BRD9: variants seen among roughly 807,000 people sequenced by gnomAD.
BRD9 encodes bromodomain containing 9.
BRD9 carries 47 observed loss-of-function variants against 68.7 expected under a neutral mutation model. That is an observed-to-expected ratio of 0.68 (90% CI 0.54 to 0.87). The LOEUF (loss-of-function observed/expected upper bound fraction) is 0.87, where lower values mean the gene tolerates loss of function less well. BRD9 is among the 40% of genes least tolerant of loss of function. BRD9 has a pLI of 0.00. For missense variants in BRD9, 670 were observed against 748.4 expected, an observed-to-expected ratio of 0.90 and a Z score of 1.22; for synonymous variants, 313 against 293.9, an observed-to-expected ratio of 1.06 and a Z score of -0.67.
At chr5:885,871 G>A (rs554783489) in intron 7 of BRD9, among the ~76,000 whole-genome samples, 1 of 152,246 alleles carries the variant, frequency 6.6e-6, no homozygotes, top group African/African-American at 2.4e-5. Flanking sequence ...CCTCACATAG[G>A]TGGAGGAGCG....
intron 3 of BRD9, chr5:890,090 G>A: frequency 3.1e-6 from 1 of 322,958 alleles, no homozygotes; most frequent in South Asian, 2.6e-5. Flanking sequence ...CAGCAACTTG[G>A]GAGGCTGAGG....
intron 12 of BRD9, among the ~76,000 whole-genome samples, chr5:874,667 G>T (rs1232955839): frequency 6.6e-6 from 1 of 152,202 alleles, no homozygotes; most frequent in East Asian, 1.9e-4. Flanking sequence ...CGTGGCTCAA[G>T]GATGTAAGGA....
chr5:865,865 C>T lies in BRD9; in HGVS notation c.1526-284G>A, dbSNP rs555390113. 43 of 316,984 alleles carry T rather than the reference C, an allele frequency of 1.4e-4. No homozygotes were observed. In the South Asian group the frequency reaches 2.0e-3, roughly 14 times the overall value. The allele number at this position is 316,984 out of a possible 1,614,324, so 19.6% of individuals were successfully genotyped here. On this transcript the variant is annotated intron_variant, in intron 14 of 15. Transcript: ENST00000467963. ...ACCACGTCATGGCACGCACAGACAC[C>T]GTGGAGGGATGTGGCCACAACCCAG...
Position 891,196 on chromosome 5 carries a change from G to A in BRD9, c.359C>T (p.Pro120Leu). 5.2e-6 allele frequency: 8 copies of A among 1,551,778 alleles called. 1 individual carries two copies. The highest frequency in any genetic ancestry group is 3.6e-5 in the South Asian group (3 of 84,056). Residue 120 changes from proline to leucine, a missense_variant, in exon 3 of 16, where the codon CCG (proline) becomes CTG (leucine). By Grantham distance (98) the Pro-to-Leu change is moderately conservative. This residue lies in a region of BRD9 where 161 missense variants were observed against 148.1 expected (regional missense o/e 1.09). Transcript: ENST00000467963. ...CGCTCGGACTGGCCGATCTGGGGGC[G>A]GCTCCACCTCCACCTTCTTCCCAGG... ...FDPGKKVEVE[P>L]PPDRPVRACR...
In BRD9 at chr5:892,527, C is replaced by A. The variant is rs1045847496; in HGVS notation, c.52+79G>T. Reference sequence around the variant, plus strand: ...CCAGGACCTCGCCCGGTGCCCAGGACCCCCGTCCGCGTGCCCGGAACTCCT... The same window carrying A: ...CCAGGACCTCGCCCGGTGCCCAGGAACCCCGTCCGCGTGCCCGGAACTCCT... On this transcript the variant is annotated intron_variant, in intron 1 of 15. Transcript: ENST00000467963. 3.3e-5 allele frequency: 50 copies of A among 1,503,866 alleles called. No individual in the cohort carries two copies. The African/African-American group carries it at 3.8e-4, about 12-fold the overall frequency. 93.2% of individuals were successfully genotyped at this position (1,503,866 alleles called of 1,614,324 possible). A position where few individuals can be genotyped will look rare whatever the true frequency, so the allele number is the denominator to read the frequency against.
At chr5:864,720 C>T (rs777643182) in intron 15 of BRD9, 152 bp from the exon 16 acceptor site, 1 of 635,826 alleles carries the variant, frequency 1.6e-6, no homozygotes, top group Non-Finnish European at 2.7e-6. Flanking sequence ...CCAAGGAGAG[C>T]TGTGTGTAGA....
intron 4 of BRD9, among the ~76,000 whole-genome samples, 177 bp from the exon 5 acceptor site, chr5:889,342 C>T (rs1237256116): frequency 3.3e-5 from 5 of 152,110 alleles, no homozygotes; most frequent in African/African-American, 4.8e-5. Context: ...ATTCCCCCAA[C>T]GCATCCTGGC....
chr5:892,042 C>G, intron 1 of BRD9, 188 bp from the exon 2 acceptor site: 1 of 946,578 alleles, frequency 1.1e-6, no homozygotes. Flanking sequence ...CTCCCTTCCC[C>G]TCCGCAGGGA....
chr5:883,754 C>T, intron 8 of BRD9, 184 bp downstream of exon 8: 1 of 811,988 alleles, frequency 1.2e-6, no homozygotes, highest in Non-Finnish European at 1.9e-6. Context: ...CTGCCAGAGG[C>T]ACCTGGACCC....
chr5:873,687 C>A (rs531488217), intron 12 of BRD9, among the ~76,000 whole-genome samples: 4 of 152,302 alleles, frequency 2.6e-5, no homozygotes, highest in African/African-American at 9.6e-5. Context: ...ATACACACGT[C>A]CTTTCTATGA....
chr5:881,937 G>A (rs1003960797), intron 8 of BRD9: 11 of 152,632 alleles, frequency 7.2e-5, no homozygotes, highest in African/African-American at 2.4e-4. Flanking sequence ...AAGGGAAGAA[G>A]TGGGCGGAAC....
intron 13 of BRD9, 95 bp downstream of exon 13, chr5:871,431 C>T: frequency 9.0e-7 from 1 of 1,107,968 alleles, no homozygotes; most frequent in Non-Finnish European, 1.4e-6. Flanking sequence ...TTTCTAAACG[C>T]CGTCATACAC....
intron 8 of BRD9, chr5:881,752 C>A: frequency 6.4e-6 from 1 of 156,754 alleles, no homozygotes; most frequent in Non-Finnish European, 1.4e-5. Flanking sequence ...GCCACCTGGC[C>A]TGAGAAGAGC....
Position 883,950 on chromosome 5 carries a change from G to T in BRD9, c.954C>A (p.Leu318=). The stretch of plus-strand genomic sequence containing the variant: ...CACAGAGCACTACCTTGCCGCCTGG[G>T]AGGAACCGGTTGATCCTGTCCCGAG... ...DEARDRINRF[L]PGGKMGYLKR... Residue 318 remains leucine (L), a synonymous_variant, in exon 8 of 16, where the codon CTC becomes CTA. Transcript: ENST00000467963. 6.2e-7 allele frequency: 1 copy of T among 1,612,406 alleles called. No individual in the cohort carries two copies.
chr5:882,554 A>C (rs1751931959), intron 8 of BRD9: 1 of 160,720 alleles, frequency 6.2e-6, no homozygotes, highest in Non-Finnish European at 1.3e-5. Flanking sequence ...ACCTCCCAAC[A>C]GATAAGCCAC....
intron 7 of BRD9, among the ~76,000 whole-genome samples, chr5:886,285 T>C (rs1184993270): frequency 6.6e-6 from 1 of 152,172 alleles, no homozygotes; most frequent in Non-Finnish European, 1.5e-5. Flanking sequence ...CGGCAGGCGC[T>C]GTGCAGGGGA....
At position 891,124 on chromosome 5, in the gene BRD9, A is replaced by G. The variant is rs1489174899; in HGVS notation, c.400+31T>C. 3 of 1,531,728 alleles carry G rather than the reference A, an allele frequency of 2.0e-6. No individual in the cohort carries two copies. In the South Asian group the frequency reaches 3.7e-5, roughly 19 times the overall value. 94.9% of individuals were successfully genotyped at this position (1,531,728 alleles called of 1,614,324 possible). A position where few individuals can be genotyped will look rare whatever the true frequency, so the allele number is the denominator to read the frequency against. On this transcript the variant is annotated intron_variant, in intron 3 of 15. Transcript: ENST00000467963. ...TCATTTACAACGATGAGCTGTGAAC[A>G]CCAGGAGAGTCTCTAAAAGTGCACC...
In BRD9 at chr5:878,339, C is replaced by CG. The variant is rs747828561; in HGVS notation, c.1271+15dup. Reference sequence around the variant, plus strand: ...AGCTGCACAGCAGCCAAGGGCTCCCCGGGGCCGACACTTGCCTCAGCGCAC... The same window carrying CG: ...AGCTGCACAGCAGCCAAGGGCTCCCCGGGGGCCGACACTTGCCTCAGCGCAC... On this transcript the variant is annotated intron_variant, in intron 11 of 15. Transcript: ENST00000467963. The CG allele has an allele frequency of 9.9e-5, 160 of 1,612,552 alleles. No homozygotes were observed. In the East Asian group the frequency reaches 3.2e-3, roughly 33 times the overall value.
At position 891,645 on chromosome 5, in the gene BRD9, G is replaced by C; in HGVS notation, c.262C>G (p.Arg88Gly). ...KHLDDEERRK[R>G]KEEKKRKRER... ...CACCGCCGCTGCTCCTTTACCTTTC[G>C]CTTCCTTCTTTCCTCATCGTCCAGA... The change falls in exon 2 of 16, where the codon CGA (arginine) becomes GGA (glycine). Residue 88 changes from arginine (R) to glycine (G), a missense_variant. Physicochemically the swap from Arg to Gly is moderately radical, Grantham distance 125. Coordinates refer to ENST00000467963, the MANE Select transcript of BRD9 (RefSeq NM_023924.5). The C allele has an allele frequency of 3.2e-6, 5 of 1,551,116 alleles. No individual in the cohort carries two copies. Among genetic ancestry groups the C allele is most frequent in the Non-Finnish European group, 4.4e-6 (5 of 1,146,972 alleles).
Sources: allele counts gnomAD v4.1 joint callset (sites outside exome capture counted in the v4.1 genomes callset), GRCh38; gene constraint gnomAD v4.1.1; regional missense constraint gnomAD v4.1.1; transcripts MANE v1.5; gene names NCBI Gene and HGNC (gene_info 2026-07-23, HGNC 2026-07-21).